The following GLYATL2 variants were observed in gnomAD, a reference collection of about 807,000 sequenced individuals.
GLYATL2 encodes glycine-N-acyltransferase like 2, also known as glycine N-acyltransferase-like protein 2.
GLYATL2 carries 25 observed loss-of-function variants against 21.4 expected under a neutral mutation model. The ratio of observed to expected loss-of-function variants is 1.17; its 90% CI spans 0.85 to 1.63. GLYATL2 has a LOEUF of 1.63. GLYATL2 is among the 40% of genes most tolerant of loss of function. The pLI, the probability that GLYATL2 is intolerant of heterozygous loss-of-function variation, is 0.00. For synonymous variants in GLYATL2, 114 were observed against 118.2 expected, an observed-to-expected ratio of 0.96 and a Z score of 0.23; for missense variants, 361 against 343.3, an observed-to-expected ratio of 1.05 and a Z score of -0.41.
At chr11:58,865,748 C>T (rs1286677285) in intron 1 of GLYATL2, among the ~76,000 whole-genome samples, 3 of 148,542 alleles carry the variant, frequency 2.0e-5, no homozygotes, top group Non-Finnish European at 4.5e-5. Flanking sequence ...AGGTGTCTTT[C>T]TTAACCACTG....
intron 1 of GLYATL2, among the ~76,000 whole-genome samples, chr11:58,896,395 A>G (rs1356034056): frequency 6.6e-6 from 1 of 152,146 alleles, no homozygotes; most frequent in Admixed American, 6.5e-5. Flanking sequence ...ATACCCTTTC[A>G]ATGCACGAGG....
chr11:58,852,737 T>G (rs1337000194), intron 1 of GLYATL2, among the ~76,000 whole-genome samples: 1 of 152,198 alleles, frequency 6.6e-6, no homozygotes, highest in Non-Finnish European at 1.5e-5. Flanking sequence ...CCAGTTTCCT[T>G]GTTGATCTAG....
chr11:58,834,527 T>C lies in GLYATL2; in HGVS notation c.787A>G (p.Asn263Asp). 1 of 1,613,800 alleles carries C rather than the reference T, an allele frequency of 6.2e-7. No homozygotes were observed. The highest frequency in any genetic ancestry group is 8.5e-7 in the Non-Finnish European group (1 of 1,179,702). ...EIPFYFHVAD[N>D]NEKSLQALNN... is the part of the protein sequence containing the mutation. ...AGTGCCTGTAGGCTTTTCTCATTAT[T>C]ATCTGCCACATGGAAATAAAATGGG... Residue 263 changes from asparagine to aspartate, a missense_variant, in exon 6 of 6, where the codon AAT becomes GAT. Physicochemically the swap from Asn to Asp is conservative, Grantham distance 23. Coordinates refer to ENST00000287275, the MANE Select transcript of GLYATL2 (RefSeq NM_145016.4).
intron 1 of GLYATL2, chr11:58,892,750 T>C: frequency 2.9e-6 from 1 of 345,548 alleles, no homozygotes; most frequent in Non-Finnish European, 5.7e-6. Flanking sequence ...TCCTCTGTAT[T>C]ATGGAAGATA....
upstream of GLYATL2, among the ~76,000 whole-genome samples, chr11:58,907,058 T>A (rs191843166): frequency 2.6e-5 from 4 of 152,288 alleles, no homozygotes; most frequent in East Asian, 5.8e-4. Context: ...GAAATGGGGA[T>A]CCCTAACAGA....
rs554715107 is a variant in GLYATL2 at position 58,866,349 on chromosome 11, A to C, written n.61-27981T>G. ...GCTCCTCTATGCCTTCCCACCAGCCACCAGTCAGTTAAAACAGCTTTCTTT... is the reference window on the plus strand; with the variant it reads ...GCTCCTCTATGCCTTCCCACCAGCCCCCAGTCAGTTAAAACAGCTTTCTTT... On this transcript the variant is annotated intron_variant and non_coding_transcript_variant, in intron 1 of 4. Coordinates refer to the GLYATL2 transcript ENST00000533636. Among the ~76,000 whole-genome samples, 71 of 148,950 alleles carry C rather than the reference A, an allele frequency of 4.8e-4. 5 individuals are homozygous for C. The South Asian group carries it at 6.0e-3, about 13-fold the overall frequency.
chr11:58,881,952 G>A (rs1854343969), intron 1 of GLYATL2, among the ~76,000 whole-genome samples: 1 of 152,180 alleles, frequency 6.6e-6, no homozygotes, highest in African/African-American at 2.4e-5. Context: ...ATTCCATGGT[G>A]TATATGTGCC....
At chr11:58,846,531 G>A (rs1338208572), upstream of GLYATL2, among the ~76,000 whole-genome samples, 1 of 149,590 alleles carries the variant, frequency 6.7e-6, no homozygotes, top group Non-Finnish European at 1.5e-5. Flanking sequence ...GGGGTAGAAA[G>A]AACACAGCAA....
chr11:58,864,822 C>T (rs1853995467), intron 1 of GLYATL2, among the ~76,000 whole-genome samples: 2 of 149,092 alleles, frequency 1.3e-5, no homozygotes, highest in Non-Finnish European at 1.5e-5. Context: ...TGACATTTTG[C>T]TGATGTCTAG....
At chr11:58,880,289 C>T (rs1240921428) in intron 1 of GLYATL2, among the ~76,000 whole-genome samples, 1 of 152,010 alleles carries the variant, frequency 6.6e-6, no homozygotes, top group Non-Finnish European at 1.5e-5. Flanking sequence ...GAAGCTGAGG[C>T]CAGGATGGGG....
chr11:58,854,675 GA>G (rs1853797723), intron 1 of GLYATL2, among the ~76,000 whole-genome samples: 2 of 88,178 alleles, frequency 2.3e-5, no homozygotes, highest in South Asian at 9.5e-4. Flanking sequence ...CTTCCTTTCA[GA>G]AAAGATTTGT....
At chr11:58,892,855 C>T (rs1854568868) in intron 1 of GLYATL2, 1 of 320,284 alleles carries the variant, frequency 3.1e-6, no homozygotes, top group East Asian at 6.4e-5. Flanking sequence ...AAAACAGGTG[C>T]TTATCATTTA....
upstream of GLYATL2, chr11:58,908,294 C>A (rs1854955894): frequency 6.6e-6 from 1 of 152,282 alleles, no homozygotes; most frequent in South Asian, 2.1e-4. Context: ...ATTTTCTTCT[C>A]AGATATCAGA....
At chr11:58,854,846 C>T (rs1409308774) in intron 1 of GLYATL2, among the ~76,000 whole-genome samples, 2 of 152,138 alleles carry the variant, frequency 1.3e-5, no homozygotes, top group African/African-American at 2.4e-5. Flanking sequence ...AAATCTTCAC[C>T]ACGAGTAGTT....
chr11:58,867,639 C>A (rs1240058594), intron 1 of GLYATL2, among the ~76,000 whole-genome samples: 2 of 148,912 alleles, frequency 1.3e-5, no homozygotes, highest in African/African-American at 4.9e-5. Flanking sequence ...AACCAGAATT[C>A]ATTGCTTCCA....
At chr11:58,870,306 G>C (rs1347103839) in intron 1 of GLYATL2, among the ~76,000 whole-genome samples, 1 of 152,194 alleles carries the variant, frequency 6.6e-6, no homozygotes, top group Non-Finnish European at 1.5e-5. Flanking sequence ...AAAAAGGACA[G>C]CTACGTGCTT....
At chr11:58,895,575 G>C (rs1412016068) in intron 1 of GLYATL2, among the ~76,000 whole-genome samples, 1 of 152,124 alleles carries the variant, frequency 6.6e-6, no homozygotes, top group East Asian at 1.9e-4. Context: ...AGAGGCTCCT[G>C]GTCCCCATCA....
At chr11:58,853,670 G>A (rs966887817) in intron 1 of GLYATL2, among the ~76,000 whole-genome samples, 6 of 152,080 alleles carry the variant, frequency 3.9e-5, no homozygotes, top group African/African-American at 7.2e-5. Flanking sequence ...TAGTGAATAC[G>A]TTTTCTAATT....
At chr11:58,857,282 G>GA (rs34068885) in intron 1 of GLYATL2, among the ~76,000 whole-genome samples, 19 of 152,096 alleles carry the variant, frequency 1.2e-4, no homozygotes, top group African/African-American at 4.6e-4. Context: ...TGAGCATTAA[G>GA]AAAAAAACCC....
Sources: gnomAD v4.1 joint callset for allele counts (sites outside exome capture counted in the v4.1 genomes callset) on GRCh38, gnomAD v4.1.1 for gene constraint, MANE v1.5 for transcripts, NCBI Gene and HGNC (gene_info 2026-07-23, HGNC 2026-07-21) for gene names.